Variants in CAMK1D observed in about 807,000 individuals in gnomAD.
CAMK1D encodes the protein calcium/calmodulin dependent protein kinase ID.
CAMK1D carries 9 observed loss-of-function variants against 47.7 expected under a neutral mutation model. The observed-to-expected ratio is 0.19, with a 90% CI of 0.11 to 0.33. The LOEUF (loss-of-function observed/expected upper bound fraction) is 0.33. Ranked by LOEUF, CAMK1D falls within the 10% of genes least tolerant of loss-of-function variation. CAMK1D has a pLI of 1.00. For synonymous variants in CAMK1D, 184 were observed against 184.9 expected (o/e 0.99, Z 0.04); for missense variants, 291 against 488.7 (o/e 0.60, Z 3.81).
chr10:12,540,701 A>G (rs761979879), intron 1 of CAMK1D, among the ~76,000 whole-genome samples: 2 of 152,252 alleles, frequency 1.3e-5, no homozygotes, highest in Non-Finnish European at 2.9e-5. Flanking sequence ...TGGGTATTTA[A>G]GAATGTCTCA....
At chr10:12,661,295 C>G (rs1389700752) in intron 2 of CAMK1D, among the ~76,000 whole-genome samples, 1 of 152,150 alleles carries the variant, frequency 6.6e-6, no homozygotes, top group Non-Finnish European at 1.5e-5. Flanking sequence ...TTTATATGAG[C>G]TCTTGGATAG....
At chr10:12,827,652 TCTCTCCTCTCTCCC>T (rs1833305181) in intron 10 of CAMK1D, among the ~76,000 whole-genome samples, 1 of 9,968 alleles carries the variant, frequency 1.0e-4, no homozygotes, top group Non-Finnish European at 5.5e-4. Context: ...TCCCCTCTCC[TCTCTCCTCTCTCCC>T]TTCTCCCCTC....
chr10:12,662,559 G>T (rs745320288), intron 2 of CAMK1D, among the ~76,000 whole-genome samples: 5 of 152,020 alleles, frequency 3.3e-5, no homozygotes, highest in Non-Finnish European at 4.4e-5. Flanking sequence ...GGCTGAGGCA[G>T]GGGAATGGCA....
intron 3 of CAMK1D, among the ~76,000 whole-genome samples, chr10:12,738,657 C>A (rs543308169): frequency 6.6e-6 from 1 of 151,828 alleles, no homozygotes; most frequent in African/African-American, 2.4e-5. Flanking sequence ...ACAGTGAAAC[C>A]CCATCTCTAC....
At chr10:12,512,750 T>C (rs1488004958) in intron 1 of CAMK1D, among the ~76,000 whole-genome samples, 1 of 152,096 alleles carries the variant, frequency 6.6e-6, no homozygotes, top group Non-Finnish European at 1.5e-5. Context: ...GAGATTGTGC[T>C]CATAAAAGCT....
chr10:12,706,013 G>T (rs998235047), intron 3 of CAMK1D, among the ~76,000 whole-genome samples: 1 of 152,212 alleles, frequency 6.6e-6, no homozygotes, highest in African/African-American at 2.4e-5. Flanking sequence ...TAATTACAGT[G>T]CAGTAGTCCT....
intron 1 of CAMK1D, among the ~76,000 whole-genome samples, chr10:12,472,769 G>A (rs147942467): frequency 4.3e-3 from 657 of 152,240 alleles, no homozygotes; most frequent in Non-Finnish European, 6.2e-3. Context: ...TAATCCACCC[G>A]CCTCGGCCTC....
intron 1 of CAMK1D, among the ~76,000 whole-genome samples, chr10:12,377,922 C>A (rs1838229698): frequency 6.6e-6 from 1 of 152,254 alleles, no homozygotes; most frequent in Non-Finnish European, 1.5e-5. Flanking sequence ...GAAGTTTAAA[C>A]TATATCTTGC....
At chr10:12,774,540 C>T (rs983723068) in intron 5 of CAMK1D, among the ~76,000 whole-genome samples, 1 of 152,166 alleles carries the variant, frequency 6.6e-6, no homozygotes, top group African/African-American at 2.4e-5. Flanking sequence ...AGCTTCTACT[C>T]GGTGATAGGA....
chr10:12,694,502 ATATAT>A (rs1230397268), intron 3 of CAMK1D, among the ~76,000 whole-genome samples: 1 of 128,410 alleles, frequency 7.8e-6, no homozygotes, highest in Admixed American at 9.2e-5. Flanking sequence ...AACATAAAAT[ATATAT>A]TATATAAAAT....
At chr10:12,756,582 T>C (rs1305222470) in intron 3 of CAMK1D, among the ~76,000 whole-genome samples, 1 of 152,214 alleles carries the variant, frequency 6.6e-6, no homozygotes, top group African/African-American at 2.4e-5. Flanking sequence ...TATTTAAAAT[T>C]TGCACACAAT....
intron 2 of CAMK1D, among the ~76,000 whole-genome samples, chr10:12,645,556 C>T (rs1027480398): frequency 6.6e-6 from 1 of 152,150 alleles, no homozygotes; most frequent in Non-Finnish European, 1.5e-5. Flanking sequence ...CCACAGCTTC[C>T]GTGACATAAT....
intron 1 of CAMK1D, among the ~76,000 whole-genome samples, chr10:12,350,339 C>T (rs1303023599): frequency 1.3e-5 from 2 of 152,274 alleles, no homozygotes; most frequent in Non-Finnish European, 2.9e-5. Context: ...CCAGTCGTTC[C>T]CATTTCTGTC....
At chr10:12,530,429 T>C (rs1436053377) in intron 1 of CAMK1D, among the ~76,000 whole-genome samples, 2 of 152,240 alleles carry the variant, frequency 1.3e-5, no homozygotes, top group Non-Finnish European at 2.9e-5. Flanking sequence ...GTGGTTGAAC[T>C]TGATGATCTC....
chr10:12,439,940 C>A (rs1333063824), intron 1 of CAMK1D, among the ~76,000 whole-genome samples: 1 of 152,098 alleles, frequency 6.6e-6, no homozygotes, highest in Non-Finnish European at 1.5e-5. Context: ...AAACAGAAAC[C>A]CCTTATCAAA....
rs71386105 is a variant in CAMK1D at position 12,611,588 on chromosome 10, C to CTTTTTTTTTTTT, written c.225-55138_225-55127dup. Among the ~76,000 whole-genome samples, 13 of 59,906 alleles carry CTTTTTTTTTTTT rather than the reference C, an allele frequency of 2.2e-4. 2 individuals carry two copies. Among genetic ancestry groups the CTTTTTTTTTTTT allele is most frequent in the Admixed American group, 6.6e-4 (2 of 3,014 alleles). 39.3% of individuals were successfully genotyped at this position (59,906 alleles called of 152,430 possible). A position where few individuals can be genotyped will look rare whatever the true frequency, so the allele number is the denominator to read the frequency against. On this transcript the variant is annotated intron_variant, in intron 2 of 10. Coordinates refer to ENST00000619168, the MANE Select transcript of CAMK1D (RefSeq NM_153498.4). The stretch of plus-strand genomic sequence containing the variant: ...CAGTTCCCTGAATGTTTCAGAATGC[C>CTTTTTTTTTTTT]TTTTTTTTTTTTTTTTTTTTTGAGA...
At chr10:12,762,652 T>C (rs1036284249) in intron 4 of CAMK1D, among the ~76,000 whole-genome samples, 5 of 152,166 alleles carry the variant, frequency 3.3e-5, no homozygotes, top group Admixed American at 6.5e-5. Flanking sequence ...TGGGAACTGC[T>C]CTTGGAAAAC....
intron 1 of CAMK1D, among the ~76,000 whole-genome samples, chr10:12,551,264 T>C (rs1243274120): frequency 1.3e-5 from 2 of 152,214 alleles, no homozygotes; most frequent in Non-Finnish European, 2.9e-5. Flanking sequence ...GCGTGAGCCC[T>C]ATTGTGAACT....
chr10:12,757,852 C>CTTTTTTT (rs869125453), intron 3 of CAMK1D, among the ~76,000 whole-genome samples: 9 of 91,446 alleles, frequency 9.8e-5, no homozygotes, highest in African/African-American at 3.0e-4. Flanking sequence ...GGGCCCTGCT[C>CTTTTTTT]TTTTTTTTTT....
Sources: gnomAD v4.1 joint callset for allele counts (sites outside exome capture counted in the v4.1 genomes callset) on GRCh38, gnomAD v4.1.1 for gene constraint, MANE v1.5 for transcripts, NCBI Gene and HGNC (gene_info 2026-07-23, HGNC 2026-07-21) for gene names.